NFIX: variants seen among roughly 807,000 people sequenced by gnomAD.
The protein encoded by NFIX is nuclear factor I X.
NFIX carries 2 observed loss-of-function variants against 53.3 expected under a neutral mutation model. The ratio of observed to expected loss-of-function variants is 0.04; its 90% CI spans 0.02 to 0.12. The LOEUF (loss-of-function observed/expected upper bound fraction) is 0.12, where lower values mean the gene tolerates loss of function less well. NFIX is among the 10% of genes least tolerant of loss of function. The pLI is 1.00. For synonymous variants in NFIX, 244 were observed against 289.0 expected, an observed-to-expected ratio of 0.84 and a Z score of 1.58; for missense variants, 310 against 674.5, an observed-to-expected ratio of 0.46 and a Z score of 5.99.
chr19:13,086,262 G>A (rs2017772868), intron 8 of NFIX, among the ~76,000 whole-genome samples: 1 of 152,190 alleles, frequency 6.6e-6, no homozygotes, highest in South Asian at 2.1e-4. Context: ...TTCATGTTGG[G>A]TATAGCTGGG....
chr19:13,093,385 GGGCTTCT>G lies in NFIX; in HGVS notation c.1495-1242_1495-1236del, dbSNP rs904140492. Reference sequence around the variant, plus strand: ...GAAATTTTCACACGAAATTCTGTTTGGGCTTCTGGCTTCTTTTGAAAAGTTGGCAGAT... The same window carrying G: ...GAAATTTTCACACGAAATTCTGTTTGGGCTTCTTTTGAAAAGTTGGCAGAT... On this transcript the variant is annotated intron_variant, in intron 10 of 10. Transcript: ENST00000592199. The surrounding 1 kb of genome is among the most constrained non-coding windows in gnomAD (Gnocchi z 4.7). 8.5e-5 allele frequency among the ~76,000 whole-genome samples: 13 copies of G among 152,342 alleles called. No individual in the cohort carries two copies. The highest frequency in any genetic ancestry group is 1.6e-4 in the Non-Finnish European group (11 of 68,034).
At chr19:13,092,019 C>T (rs973652118) in intron 10 of NFIX, among the ~76,000 whole-genome samples, 2 of 152,196 alleles carry the variant, frequency 1.3e-5, no homozygotes, top group Non-Finnish European at 2.9e-5. Flanking sequence ...TCCAGGGCCC[C>T]TGAGCAGGCA....
intron 1 of NFIX, among the ~76,000 whole-genome samples, chr19:13,003,557 T>C (rs2011841766): frequency 6.6e-6 from 1 of 151,816 alleles, no homozygotes; most frequent in South Asian, 2.1e-4. Context: ...AATAACACGC[T>C]CTCAGACACA....
In NFIX at chr19:13,090,187, G is replaced by A. The variant is rs1293799469; in HGVS notation, c.1403-112G>A. The A allele has an allele frequency of 4.7e-5, 47 of 1,009,204 alleles. No individual in the cohort carries two copies. Among genetic ancestry groups the A allele is most frequent in the South Asian group, 3.8e-4 (28 of 74,230 alleles). The allele number at this position is 1,009,204 out of a possible 1,614,324, so 62.5% of individuals were successfully genotyped here. ...TCCTTCCCACTGCCAGCCTAAACTC[G>A]GGCAGCATGGTCTAACTCAGTCTCT... On this transcript the variant is annotated intron_variant, in intron 9 of 10. Transcript: ENST00000592199. This position sits in a 1 kb window ranked among gnomAD's most constrained non-coding sequence, Gnocchi z 6.6.
chr19:13,017,183 A>C (rs1451894883), intron 1 of NFIX, among the ~76,000 whole-genome samples: 1 of 152,132 alleles, frequency 6.6e-6, no homozygotes, highest in Non-Finnish European at 1.5e-5. Flanking sequence ...GTGAGAAAGA[A>C]AGGGAGCCGG....
chr19:13,014,059 A>AT lies in NFIX; in HGVS notation c.28-10961dup, dbSNP rs1227153647. 2.0e-5 allele frequency: 3 copies of AT among 152,258 alleles called. No individual in the cohort carries two copies. The highest frequency in any genetic ancestry group is 4.4e-5 in the Non-Finnish European group (3 of 68,058). The allele number at this position is 152,258 out of a possible 1,614,324, so 9.4% of individuals were successfully genotyped here. A position where few individuals can be genotyped will look rare whatever the true frequency, so the allele number is the denominator to read the frequency against. ...CTAATGTGTGTGGTTTTCTTTTTAA[A>AT]TAATGCTAAGCATTGGAATAATTAA... On this transcript the variant is annotated intron_variant, in intron 1 of 10. Coordinates refer to ENST00000592199, the MANE Select transcript of NFIX (RefSeq NM_001365902.3). The surrounding 1 kb of genome is among the most constrained non-coding windows in gnomAD (Gnocchi z 4.4).
rs2014607910 is a variant in NFIX, at chr19:13,041,375, T to A, written c.559+15823T>A. On this transcript the variant is annotated intron_variant, in intron 2 of 10. Coordinates refer to ENST00000592199, the MANE Select transcript of NFIX (RefSeq NM_001365902.3). ...TAGCATGAAGTCAGGGGGTGGAAAT[T>A]AAAATTATACAATTATGCCACTGAA... Among the ~76,000 whole-genome samples, 2 of 152,242 alleles carry A rather than the reference T, an allele frequency of 1.3e-5. 1 individual carries two copies.
At chr19:13,007,291 C>T (rs992212641) in intron 1 of NFIX, among the ~76,000 whole-genome samples, 5 of 152,066 alleles carry the variant, frequency 3.3e-5, no homozygotes, top group Non-Finnish European at 5.9e-5. Flanking sequence ...GGGTGGGGGC[C>T]GGGCCTGTGG....
chr19:13,086,671 T>C (rs1359423269), intron 8 of NFIX, among the ~76,000 whole-genome samples: 1 of 152,176 alleles, frequency 6.6e-6, no homozygotes, highest in Non-Finnish European at 1.5e-5. Flanking sequence ...AGTGTCTCCT[T>C]GAGGGGGACA....
chr19:13,021,682 T>G lies in NFIX; in HGVS notation c.28-3339T>G, dbSNP rs1246977698. On this transcript the variant is annotated intron_variant, in intron 1 of 10. Transcript: ENST00000592199. This position sits in a 1 kb window ranked among gnomAD's most constrained non-coding sequence, Gnocchi z 4.2. ...GCTTTTCCTTTTATGTCATATCTAT[T>G]TCCTTCTTACTGTGTTTCGAAGGCC... Among the ~76,000 whole-genome samples the G allele has an allele frequency of 6.6e-6, 1 of 152,162 alleles. No individual in the cohort carries two copies. The highest frequency in any genetic ancestry group is 2.4e-5 in the African/African-American group (1 of 41,414).
chr19:13,075,832 C>A (rs2017066984), intron 6 of NFIX, among the ~76,000 whole-genome samples, 161 bp downstream of exon 6: 1 of 152,146 alleles, frequency 6.6e-6, no homozygotes, highest in South Asian at 2.1e-4. Flanking sequence ...GCAGAGCAGG[C>A]TGAAGGAAGG....
At chr19:13,086,674 G>C (rs533979600) in intron 8 of NFIX, among the ~76,000 whole-genome samples, 2 of 152,200 alleles carry the variant, frequency 1.3e-5, no homozygotes, top group Non-Finnish European at 2.9e-5. Context: ...GTCTCCTTGA[G>C]GGGGACAGAA....
rs528064454 is a variant in NFIX, at chr19:13,093,758, C to G, written c.1495-877C>G. Among the ~76,000 whole-genome samples the G allele has an allele frequency of 6.6e-6, 1 of 152,140 alleles. No homozygotes were observed. The highest frequency in any genetic ancestry group is 1.9e-4 in the East Asian group (1 of 5,184). Reference sequence around the variant, plus strand: ...CATTTTCAGGGACCCTCATTTTGCCCCAACGGTACTACCAGGTGCACCCAG... The same window carrying G: ...CATTTTCAGGGACCCTCATTTTGCCGCAACGGTACTACCAGGTGCACCCAG... On this transcript the variant is annotated intron_variant, in intron 10 of 10. Transcript: ENST00000592199. The surrounding 1 kb of genome is among the most constrained non-coding windows in gnomAD (Gnocchi z 4.7).
rs199958474 is a variant in NFIX at position 13,045,370 on chromosome 19, T to TAA, written c.559+19818_559+19819insAA. 0.027 allele frequency among the ~76,000 whole-genome samples: 4,115 copies of TAA among 152,092 alleles called. 66 individuals carry two copies. Among genetic ancestry groups the TAA allele is most frequent in the Middle Eastern group, 0.082 (24 of 294 alleles). ...ATATTTGGTAGTGGCTGAAAACAGT[T>TAA]TTGGTTGTCACTACTTGGGATGGGG... On this transcript the variant is annotated intron_variant, in intron 2 of 10. Transcript: ENST00000592199. This position sits in a 1 kb window ranked among gnomAD's most constrained non-coding sequence, Gnocchi z 4.4.
chr19:13,081,962 G>A lies in NFIX; in HGVS notation c.1254+107G>A, dbSNP rs2017496731. 7.4e-7 allele frequency: 1 copy of A among 1,351,408 alleles called. No homozygotes were observed. The highest frequency in any genetic ancestry group is 2.0e-5 in the Admixed American group (1 of 48,998). 83.7% of individuals were successfully genotyped at this position (1,351,408 alleles called of 1,614,324 possible). On this transcript the variant is annotated intron_variant, in intron 8 of 10. Transcript: ENST00000592199. This position sits in a 1 kb window ranked among gnomAD's most constrained non-coding sequence, Gnocchi z 4.7. ...GCCCAAAAGCCAGGAGCCCACCTGG[G>A]GCTGGAGCAGCAGGGAGCTGGTAGT...
At position 13,073,290 on chromosome 19, in the gene NFIX, A is replaced by G; in HGVS notation, c.623-132A>G. Reference sequence around the variant, plus strand: ...CTAGAGGATCCCCCCTGTTCGGTGTAGACCTGAGGGCTAGCCTGGAGCTGG... The same window carrying G: ...CTAGAGGATCCCCCCTGTTCGGTGTGGACCTGAGGGCTAGCCTGGAGCTGG... On this transcript the variant is annotated intron_variant, in intron 3 of 10. Coordinates refer to ENST00000592199, the MANE Select transcript of NFIX (RefSeq NM_001365902.3). This position sits in a 1 kb window ranked among gnomAD's most constrained non-coding sequence, Gnocchi z 4.5. The G allele has an allele frequency of 1.1e-6, 1 of 950,518 alleles. No individual in the cohort carries two copies. Among genetic ancestry groups the G allele is most frequent in the Non-Finnish European group, 1.7e-6 (1 of 581,202 alleles). 58.9% of individuals were successfully genotyped at this position (950,518 alleles called of 1,614,324 possible). A position where few individuals can be genotyped will look rare whatever the true frequency, so the allele number is the denominator to read the frequency against.
chr19:13,026,082 C>G (rs1396199032), intron 2 of NFIX, among the ~76,000 whole-genome samples: 1 of 152,070 alleles, frequency 6.6e-6, no homozygotes, highest in East Asian at 1.9e-4. Flanking sequence ...ACTGAATGAA[C>G]AGAAAAGAGG....
At chr19:13,044,913 G>A (rs1313642445) in intron 2 of NFIX, among the ~76,000 whole-genome samples, 2 of 152,182 alleles carry the variant, frequency 1.3e-5, no homozygotes, top group South Asian at 2.1e-4. Flanking sequence ...ACCCTTCCCG[G>A]GGGCTAAGGA....
In NFIX at chr19:13,087,919, G is replaced by A. The variant is rs562453074; in HGVS notation, c.1255-70G>A. 5.2e-5 allele frequency: 79 copies of A among 1,522,344 alleles called. No homozygotes were observed. In the African/African-American group the frequency reaches 7.1e-4, roughly 14 times the overall value. The allele number at this position is 1,522,344 out of a possible 1,614,324, so 94.3% of individuals were successfully genotyped here. A position where few individuals can be genotyped will look rare whatever the true frequency, so the allele number is the denominator to read the frequency against. On this transcript the variant is annotated intron_variant, in intron 8 of 10. Transcript: ENST00000592199. ...CCCGCTCTCAGGAGCGAGCTGGCGC[G>A]GCCGCGCAGGGGAGCGTGTGTCTGT...
Sources: allele counts gnomAD v4.1 joint callset (sites outside exome capture counted in the v4.1 genomes callset), GRCh38; gene constraint gnomAD v4.1.1; non-coding constraint Gnocchi (gnomAD v3.1); transcripts MANE v1.5; gene names NCBI Gene and HGNC (gene_info 2026-07-23, HGNC 2026-07-21).